Variants in MPZL1 observed in about 807,000 individuals in gnomAD.
MPZL1 encodes myelin protein zero-like protein 1.
Under a neutral mutation model 29.3 loss-of-function variants are expected in MPZL1, and 16 were observed. The observed-to-expected ratio is 0.55, with a 90% CI of 0.37 to 0.83. The LOEUF (loss-of-function observed/expected upper bound fraction) is 0.83. MPZL1 is among the 40% of genes least tolerant of loss of function. The pLI, the probability that MPZL1 is intolerant of heterozygous loss-of-function variation, is 0.00. For synonymous variants in MPZL1, 143 were observed against 132.0 expected, an observed-to-expected ratio of 1.08 and a Z score of -0.57; for missense variants, 279 against 332.9, an observed-to-expected ratio of 0.84 and a Z score of 1.26.
At chr1:167,760,438 G>A (rs1265044121) in intron 1 of MPZL1, among the ~76,000 whole-genome samples, 3 of 151,994 alleles carry the variant, frequency 2.0e-5, no homozygotes, top group Non-Finnish European at 2.9e-5. Flanking sequence ...TCCTGACCTC[G>A]GTGTTCCGCC....
chr1:167,752,740 G>A (rs909481286), intron 1 of MPZL1, among the ~76,000 whole-genome samples: 5 of 152,180 alleles, frequency 3.3e-5, no homozygotes, highest in African/African-American at 1.2e-4. Context: ...GATTTTTCTA[G>A]GAGCCAGAGA....
At position 167,739,081 on chromosome 1, in the gene MPZL1, A is replaced by G. The variant is rs372746593; in HGVS notation, c.91+16839A>G. ...CTCAGTCTCGCGAGTAGCTGGGACC[A>G]CAGGTGCACACCACCATGCCCAGCT... is the stretch of plus-strand genomic sequence containing the variant. On this transcript the variant is annotated intron_variant, in intron 1 of 5. Transcript: ENST00000359523. Among the ~76,000 whole-genome samples, 75 of 151,752 alleles carry G rather than the reference A, an allele frequency of 4.9e-4. 1 individual carries two copies. Among genetic ancestry groups the G allele is most frequent in the African/African-American group, 1.7e-3 (70 of 41,264 alleles).
At chr1:167,744,042 T>A (rs1660592274) in intron 1 of MPZL1, among the ~76,000 whole-genome samples, 1 of 152,094 alleles carries the variant, frequency 6.6e-6, no homozygotes, top group South Asian at 2.1e-4. Flanking sequence ...TGGCTGTGGG[T>A]TTGTCATAGA....
chr1:167,730,594 G>C (rs58793649), intron 1 of MPZL1, among the ~76,000 whole-genome samples: 2 of 152,146 alleles, frequency 1.3e-5, no homozygotes, highest in East Asian at 3.9e-4. Flanking sequence ...GTTCTTGTAG[G>C]TTCTTCTCAC....
rs68082264 is a variant in MPZL1, at chr1:167,739,310, C to CATATATATATATATATATATATATACAT, written c.91+17069_91+17070insTATATATATATATATATATATATACATA. 1.5e-3 allele frequency among the ~76,000 whole-genome samples: 153 copies of CATATATATATATATATATATATATACAT among 101,342 alleles called. 8 individuals are homozygous for CATATATATATATATATATATATATACAT. Among genetic ancestry groups the CATATATATATATATATATATATATACAT allele is most frequent in the African/African-American group, 7.2e-3 (143 of 19,932 alleles). 66.5% of individuals were successfully genotyped at this position (101,342 alleles called of 152,430 possible). A position where few individuals can be genotyped will look rare whatever the true frequency, so the allele number is the denominator to read the frequency against. ...ATATATATATATATATATATATATA[C>CATATATATATATATATATATATATACAT]ACATATATATATTTATGTTTATTCT... On this transcript the variant is annotated intron_variant, in intron 1 of 5. Coordinates refer to ENST00000359523, the MANE Select transcript of MPZL1 (RefSeq NM_003953.6).
intron 1 of MPZL1, among the ~76,000 whole-genome samples, chr1:167,729,913 T>G (rs1177390370): frequency 2.6e-5 from 4 of 152,200 alleles, no homozygotes; most frequent in Non-Finnish European, 4.4e-5. Flanking sequence ...AACTTAAGGG[T>G]CTTAAGATCA....
chr1:167,729,547 G>C (rs1660222138), intron 1 of MPZL1, among the ~76,000 whole-genome samples: 1 of 152,214 alleles, frequency 6.6e-6, no homozygotes, highest in Non-Finnish European at 1.5e-5. Flanking sequence ...TCTTCCAAAG[G>C]GTGTTGCTGA....
In MPZL1 at chr1:167,789,093, G is replaced by A. The variant is rs1023761359; in HGVS notation, c.*1172G>A. ...GTCATGGCTTTATAACAGCTTCATG[G>A]TGCCTCAAAGACTGTTGAGGTTAAT... On this transcript the variant is annotated 3_prime_UTR_variant, in exon 6 of 6. Transcript: ENST00000359523. The A allele has an allele frequency of 6.6e-6, 1 of 152,068 alleles. No individual in the cohort carries two copies. Among genetic ancestry groups the A allele is most frequent in the African/African-American group, 2.4e-5 (1 of 41,418 alleles). The allele number at this position is 152,068 out of a possible 1,614,324, so 9.4% of individuals were successfully genotyped here. A position where few individuals can be genotyped will look rare whatever the true frequency, so the allele number is the denominator to read the frequency against.
chr1:167,728,961 G>A (rs1660211823), intron 1 of MPZL1, among the ~76,000 whole-genome samples: 2 of 152,042 alleles, frequency 1.3e-5, no homozygotes, highest in Non-Finnish European at 2.9e-5. Flanking sequence ...TTTATTACGT[G>A]CATTTTAAAA....
intron 1 of MPZL1, among the ~76,000 whole-genome samples, chr1:167,763,878 G>C (rs1661051785): frequency 6.6e-6 from 1 of 152,186 alleles, no homozygotes; most frequent in Admixed American, 6.5e-5. Flanking sequence ...GCTTGATGCA[G>C]TATGGCTATC....
chr1:167,782,047 T>A (rs1308977683), intron 5 of MPZL1, among the ~76,000 whole-genome samples: 1 of 152,194 alleles, frequency 6.6e-6, no homozygotes, highest in African/African-American at 2.4e-5. Context: ...TTAACCTCTC[T>A]TGCAGATCTT....
At chr1:167,728,613 A>G (rs1257631637) in intron 1 of MPZL1, among the ~76,000 whole-genome samples, 1 of 152,052 alleles carries the variant, frequency 6.6e-6, no homozygotes, top group Non-Finnish European at 1.5e-5. Context: ...TCATTGATAA[A>G]TCCTCCTTCA....
intron 5 of MPZL1, among the ~76,000 whole-genome samples, chr1:167,785,546 A>G (rs960459020): frequency 2.6e-5 from 4 of 152,222 alleles, no homozygotes; most frequent in African/African-American, 9.7e-5. Context: ...GACCTACAGC[A>G]TTATGTTGCA....
intron 5 of MPZL1, among the ~76,000 whole-genome samples, chr1:167,778,250 G>A (rs906170905): frequency 2.1e-4 from 32 of 151,534 alleles, no homozygotes; most frequent in African/African-American, 7.8e-4. Flanking sequence ...GAACCTGGGA[G>A]GCAGAGGTTG....
chr1:167,722,038 A>C lies in MPZL1; in HGVS notation c.-114A>C. ...GTGGGGAGCGCGGCGTGGAGGTGCCACCCGGCGCGGGTGGCGGAGAGATCA... is the reference window on the plus strand; with the variant it reads ...GTGGGGAGCGCGGCGTGGAGGTGCCCCCCGGCGCGGGTGGCGGAGAGATCA... On this transcript the variant is annotated 5_prime_UTR_variant, in exon 1 of 6. Coordinates refer to ENST00000359523, the MANE Select transcript of MPZL1 (RefSeq NM_003953.6). The C allele has an allele frequency of 8.2e-7, 1 of 1,218,784 alleles. No homozygotes were observed. The allele number at this position is 1,218,784 out of a possible 1,614,324, so 75.5% of individuals were successfully genotyped here.
At chr1:167,757,788 TA>T (rs1660898107) in intron 1 of MPZL1, among the ~76,000 whole-genome samples, 1 of 152,132 alleles carries the variant, frequency 6.6e-6, no homozygotes, top group Admixed American at 6.5e-5. Flanking sequence ...TCAAAGTGCT[TA>T]AAAAAATTCA....
intron 1 of MPZL1, chr1:167,764,957 AGGTCAGTGTTTGCCAGGGGTGTGGG>A (rs1661080003): frequency 6.6e-6 from 1 of 152,304 alleles, no homozygotes; most frequent in African/African-American, 2.4e-5. Flanking sequence ...AGACAGTATA[AGGTCAGTGTTTGCCAGGGGTGTGGG>A]GGGAAGGACG....
chr1:167,775,172 T>G (rs958833360), intron 4 of MPZL1, among the ~76,000 whole-genome samples: 3 of 152,246 alleles, frequency 2.0e-5, no homozygotes, highest in African/African-American at 7.2e-5. Context: ...ACTGATTATG[T>G]ATTAGAATAA....
chr1:167,751,824 A>G (rs1221888120), intron 1 of MPZL1, among the ~76,000 whole-genome samples: 4 of 152,212 alleles, frequency 2.6e-5, no homozygotes, highest in Admixed American at 6.5e-5. Context: ...GAGATGAGTC[A>G]CTCATGGAAA....
Sources: allele counts gnomAD v4.1 joint callset (sites outside exome capture counted in the v4.1 genomes callset), GRCh38; gene constraint gnomAD v4.1.1; transcripts MANE v1.5; gene names NCBI Gene and HGNC (gene_info 2026-07-23, HGNC 2026-07-21).